The following DHX32 variants were observed in gnomAD, a reference collection of about 807,000 sequenced individuals.
DHX32 encodes the protein DEAH-box helicase 32 (putative), also known as putative pre-mRNA-splicing factor ATP-dependent RNA helicase DHX32.
A neutral mutation model predicts 70.0 loss-of-function variants in DHX32; 51 were observed. That is an observed-to-expected ratio of 0.73 (90% CI 0.58 to 0.92). DHX32 has a LOEUF of 0.92. Ranked by LOEUF, DHX32 falls within the 40% of genes least tolerant of loss-of-function variation. The pLI, the probability that DHX32 is intolerant of heterozygous loss-of-function variation, is 0.00. For missense variants in DHX32, 762 were observed against 891.8 expected (o/e 0.85, Z 1.85); for synonymous variants, 310 against 315.3 (o/e 0.98, Z 0.18).
intron 1 of DHX32, among the ~76,000 whole-genome samples, chr10:125,888,328 C>G (rs1462045052): frequency 6.6e-6 from 1 of 151,762 alleles, no homozygotes; most frequent in African/African-American, 2.4e-5. Flanking sequence ...CTCAGTCTCT[C>G]GAGTAGTGGG....
intron 6 of DHX32, among the ~76,000 whole-genome samples, chr10:125,851,990 G>A (rs1054508109): frequency 9.9e-5 from 15 of 151,122 alleles, no homozygotes; most frequent in Admixed American, 8.6e-4. Context: ...TCTTTCTGCT[G>A]ATTCACCCTT....
chr10:125,877,825 T>C (rs1028022724), intron 1 of DHX32, among the ~76,000 whole-genome samples: 6 of 152,190 alleles, frequency 3.9e-5, no homozygotes, highest in Non-Finnish European at 8.8e-5. Flanking sequence ...TATCAAATCC[T>C]TCTGGGCCAC....
chr10:125,850,911 G>A (rs577129948), intron 6 of DHX32, among the ~76,000 whole-genome samples: 5 of 152,290 alleles, frequency 3.3e-5, no homozygotes, highest in East Asian at 1.9e-4. Flanking sequence ...CCAGGGTAGC[G>A]GCAGTCTCAG....
Position 125,838,393 on chromosome 10 carries a change from AG to A in DHX32, c.1882-7del. 1 of 1,558,492 alleles carries A rather than the reference AG, an allele frequency of 6.4e-7. No homozygotes were observed. ...CCATCAACATCCCGAGCAATCTGAA[AG>A]GCAGAATTTTAAAGAAAAAAGATTT... On this transcript the variant is annotated splice_polypyrimidine_tract_variant and splice_region_variant and intron_variant, in intron 9 of 10. Coordinates refer to ENST00000284690, the MANE Select transcript of DHX32 (RefSeq NM_018180.3).
At chr10:125,863,651 A>G (rs1944202776) in intron 2 of DHX32, among the ~76,000 whole-genome samples, 1 of 152,072 alleles carries the variant, frequency 6.6e-6, no homozygotes, top group African/African-American at 2.4e-5. Flanking sequence ...GGGTTTCACC[A>G]TGTTAGCCAG....
At position 125,888,929 on chromosome 10, in the gene DHX32, G is replaced by A. The variant is rs1436892915; in HGVS notation, c.-248+7289C>T. Among the ~76,000 whole-genome samples the A allele has an allele frequency of 6.6e-5, 10 of 152,354 alleles. No individual in the cohort carries two copies. The South Asian group carries it at 8.3e-4, about 13-fold the overall frequency. On this transcript the variant is annotated intron_variant, in intron 1 of 2. Coordinates refer to the DHX32 transcript ENST00000415732. ...ACAAAAATTAGCTGGGCATGGTGGC[G>A]GATGCCTGTAATCTCAGCTACTCAG...
At chr10:125,893,661 G>A (rs898511611) in intron 1 of DHX32, among the ~76,000 whole-genome samples, 2 of 152,118 alleles carry the variant, frequency 1.3e-5, no homozygotes, top group African/African-American at 2.4e-5. Flanking sequence ...ACCAAAAATA[G>A]AAATTGATTG....
In DHX32 at chr10:125,859,351, C is replaced by T. The variant is rs1052990364; in HGVS notation, c.849+252G>A. On this transcript the variant is annotated intron_variant, in intron 3 of 10. Transcript: ENST00000284690. The stretch of plus-strand genomic sequence containing the variant: ...GCCTTTGGGGCAGCCACTCTCTGGC[C>T]TGAGCCTGCTGGAGGGAAGTTGGCT... Among the ~76,000 whole-genome samples, 50 of 152,208 alleles carry T rather than the reference C, an allele frequency of 3.3e-4. 1 individual carries two copies. Among genetic ancestry groups the T allele is most frequent in the African/African-American group, 1.2e-3 (49 of 41,450 alleles).
chr10:125,838,957 C>A, intron 9 of DHX32, 44 bp downstream of exon 9: 1 of 1,567,218 alleles, frequency 6.4e-7, no homozygotes, highest in Non-Finnish European at 8.7e-7. Context: ...TGAGTATGTG[C>A]AATTCAGCAG....
At chr10:125,864,867 T>G (rs538667802) in intron 2 of DHX32, among the ~76,000 whole-genome samples, 3 of 127,212 alleles carry the variant, frequency 2.4e-5, no homozygotes, top group African/African-American at 9.1e-5. Flanking sequence ...AAGATGGAGG[T>G]TGAAGTGAGC....
rs751570306 is a variant in DHX32, at chr10:125,839,210, G to C, written c.1694-22C>G. On this transcript the variant is annotated intron_variant, in intron 8 of 10. Coordinates refer to ENST00000284690, the MANE Select transcript of DHX32 (RefSeq NM_018180.3). ...CAGTCTAGGAGGGAAAGAACACAAG[G>C]CTATTTAGAAATGATTTGTCAGAAG... is the stretch of plus-strand genomic sequence containing the variant. The C allele has an allele frequency of 2.2e-5, 36 of 1,607,948 alleles. 2 individuals carry two copies. In the South Asian group the frequency reaches 3.6e-4, roughly 16 times the overall value.
chr10:125,853,268 C>A (rs769634451), intron 4 of DHX32: 2 of 1,464,250 alleles, frequency 1.4e-6, no homozygotes, highest in Non-Finnish European at 1.9e-6. Context: ...TTAGGAGGCT[C>A]ATAGTCTCCT....
intron 2 of DHX32, among the ~76,000 whole-genome samples, chr10:125,862,340 T>C (rs1944195396): frequency 6.6e-6 from 1 of 152,230 alleles, no homozygotes; most frequent in Admixed American, 6.5e-5. Flanking sequence ...AAATTGATGA[T>C]TCCTTTCCTC....
chr10:125,858,623 TGACA>T (rs1250038048), intron 3 of DHX32, among the ~76,000 whole-genome samples: 3 of 152,236 alleles, frequency 2.0e-5, no homozygotes, highest in African/African-American at 7.2e-5. Flanking sequence ...GAAAAGGCTC[TGACA>T]GACAGCTGAG....
intron 1 of DHX32, among the ~76,000 whole-genome samples, chr10:125,879,415 C>G (rs1385009546): frequency 6.6e-6 from 1 of 152,140 alleles, no homozygotes; most frequent in African/African-American, 2.4e-5. Flanking sequence ...CATAAGCAAA[C>G]TAAAGTCCAA....
rs983544997 is a variant in DHX32, at chr10:125,842,779, C to T, written c.1352-845G>A. On this transcript the variant is annotated intron_variant, in intron 6 of 10. Coordinates refer to ENST00000284690, the MANE Select transcript of DHX32 (RefSeq NM_018180.3). ...TAGACAAAGATGTTATTTCCCAGTG[C>T]AAATAAAGAAATAAAGATAGCAAGC... 16 of 940,608 alleles carry T rather than the reference C, an allele frequency of 1.7e-5. No homozygotes were observed. In the African/African-American group the frequency reaches 1.8e-4, roughly 10 times the overall value. The allele number at this position is 940,608 out of a possible 1,614,324, so 58.3% of individuals were successfully genotyped here.
chr10:125,840,722 G>T, intron 8 of DHX32, 125 bp downstream of exon 8: 1 of 1,092,370 alleles, frequency 9.2e-7, no homozygotes, highest in Non-Finnish European at 1.3e-6. Flanking sequence ...AGGGCCTCAA[G>T]TGCCATTGCA....
At chr10:125,875,126 G>C (rs1944276902) in intron 1 of DHX32, among the ~76,000 whole-genome samples, 1 of 152,116 alleles carries the variant, frequency 6.6e-6, no homozygotes, top group African/African-American at 2.4e-5. Context: ...GGCTGAGGTG[G>C]GAGGATCACT....
At chr10:125,890,617 CAAT>C (rs1278702772) in intron 1 of DHX32, 4 of 152,272 alleles carry the variant, frequency 2.6e-5, no homozygotes, top group Admixed American at 2.0e-4. Flanking sequence ...GTTGAATATA[CAAT>C]ATTATATTAA....
Sources: gnomAD v4.1 joint callset for allele counts (sites outside exome capture counted in the v4.1 genomes callset) on GRCh38, gnomAD v4.1.1 for gene constraint, MANE v1.5 for transcripts, NCBI Gene and HGNC (gene_info 2026-07-23, HGNC 2026-07-21) for gene names.